Variants in ADCY4 observed in about 807,000 individuals in gnomAD.
ADCY4 encodes adenylate cyclase 4, also known as adenylate cyclase type 4.
A neutral mutation model predicts 125.5 loss-of-function variants in ADCY4; 111 were observed. The ratio of observed to expected loss-of-function variants is 0.88; its 90% CI spans 0.76 to 1.04. The LOEUF (loss-of-function observed/expected upper bound fraction) is 1.04. Among genes scored for constraint, ADCY4 ranks in the 50% least tolerant of loss-of-function variants. ADCY4 has a pLI of 0.00. For synonymous variants in ADCY4, 576 were observed against 586.9 expected (o/e 0.98, Z 0.27); for missense variants, 1,256 against 1,382.9 (o/e 0.91, Z 1.46).
chr14:24,328,998 G>A, intron 10 of ADCY4, 63 bp downstream of exon 10: 1 of 1,564,824 alleles, frequency 6.4e-7, no homozygotes, highest in Non-Finnish European at 8.7e-7. Flanking sequence ...CTGCCAGTGG[G>A]GCCTGAGGAT....
At chr14:24,325,749 C>T in intron 13 of ADCY4, 69 bp downstream of exon 13, 1 of 1,532,400 alleles carries the variant, frequency 6.5e-7, no homozygotes, top group South Asian at 1.2e-5. Flanking sequence ...GACCCAAGGG[C>T]TGACCCCTCC....
chr14:24,323,887 T>C (rs1243329207), intron 16 of ADCY4, among the ~76,000 whole-genome samples, 175 bp downstream of exon 16: 2 of 152,250 alleles, frequency 1.3e-5, no homozygotes, highest in African/African-American at 4.8e-5. Flanking sequence ...CAACAACTAT[T>C]ATGCCCAGAT....
rs1363682337 is a variant in ADCY4, at chr14:24,332,944, C to A, written c.204G>T (p.Ala68=). The part of the protein sequence containing the change: ...DPSFLTTVLC[A]LGGFSLLLGL... Reference sequence around the variant, plus strand: ...CCAGCAGCAGCGAGAAGCCGCCCAGCGCGCACAGCACAGTGGTCAGGAAGC... The same window carrying A: ...CCAGCAGCAGCGAGAAGCCGCCCAGAGCGCACAGCACAGTGGTCAGGAAGC... The change falls in exon 2 of 25, where the codon GCG becomes GCT. Residue 68 remains alanine (A), a synonymous_variant. Transcript: ENST00000418030. 6.3e-7 allele frequency: 1 copy of A among 1,591,460 alleles called. No homozygotes were observed. The highest frequency in any genetic ancestry group is 8.6e-7 in the Non-Finnish European group (1 of 1,167,536).
chr14:24,322,528 C>T (rs2041868404), intron 19 of ADCY4, 96 bp downstream of exon 19: 1 of 1,332,840 alleles, frequency 7.5e-7, no homozygotes, highest in South Asian at 1.3e-5. Context: ...TAGAAGCTTC[C>T]AATGGGCATT....
intron 14 of ADCY4, among the ~76,000 whole-genome samples, chr14:24,324,785 A>G (rs1261129195): frequency 1.3e-5 from 2 of 150,900 alleles, no homozygotes; most frequent in African/African-American, 2.4e-5. Flanking sequence ...CTCACTGCAA[A>G]CTCCGCCTCC....
Position 24,334,587 on chromosome 14 carries a change from G to C in ADCY4, c.66C>G (p.Ser22Arg), listed in dbSNP as rs1370958839. The change falls in exon 1 of 25, where the codon AGC becomes AGG. Residue 22 changes from serine (S) to arginine (R), a missense_variant. Ser to Arg is a moderately radical substitution (Grantham distance 110). Coordinates refer to ENST00000418030, the MANE Select transcript of ADCY4 (RefSeq NM_001198568.2). ...SEDLFYETYY[S>R]LSQQYPLLLL... ...GCAGCAGCGGGTACTGCTGGCTCAG[G>C]CTGTAGTAGGTCTCGTAGAAGAGGT... is the stretch of plus-strand genomic sequence containing the variant. 8.3e-6 allele frequency: 13 copies of C among 1,572,704 alleles called. No individual in the cohort carries two copies. Among genetic ancestry groups the C allele is most frequent in the Non-Finnish European group, 9.5e-6 (11 of 1,161,672 alleles).
At position 24,318,363 on chromosome 14, in the gene ADCY4, C is replaced by A; in HGVS notation, c.*53G>T. 1 of 1,584,240 alleles carries A rather than the reference C, an allele frequency of 6.3e-7. No individual in the cohort carries two copies. The highest frequency in any genetic ancestry group is 8.6e-7 in the Non-Finnish European group (1 of 1,162,570). On this transcript the variant is annotated 3_prime_UTR_variant, in exon 25 of 25. Coordinates refer to ENST00000418030, the MANE Select transcript of ADCY4 (RefSeq NM_001198568.2). ...ATCAGCAGCTTCAGACATCAATGGG[C>A]TCCAGACACCCCAGAGTCTCTTTAT... is the stretch of plus-strand genomic sequence containing the variant.
At chr14:24,327,011 C>G (rs1334399152) in intron 10 of ADCY4, among the ~76,000 whole-genome samples, 2 of 149,632 alleles carry the variant, frequency 1.3e-5, no homozygotes, top group East Asian at 4.0e-4. Context: ...ATTCTCTTGC[C>G]TCAGCCTCCT....
chr14:24,334,430 A>G (rs2042100137), intron 1 of ADCY4, 64 bp downstream of exon 1: 3 of 1,484,696 alleles, frequency 2.0e-6, no homozygotes, highest in Non-Finnish European at 2.7e-6. Context: ...AGAAGACCCC[A>G]CAAACCCCAA....
At chr14:24,325,973 G>A in intron 12 of ADCY4, 86 bp from the exon 13 acceptor site, 1 of 1,587,148 alleles carries the variant, frequency 6.3e-7, no homozygotes, top group Non-Finnish European at 8.6e-7. Flanking sequence ...GGGCAAGAGG[G>A]GGTGGTCAGG....
In ADCY4 at chr14:24,322,222, A is replaced by G. The variant is rs767406117; in HGVS notation, c.2430T>C (p.Asn810=). Residue 810 remains asparagine (N), a splice_region_variant and synonymous_variant, in exon 20 of 25, where the codon AAT becomes AAC. Transcript: ENST00000418030. ...FFTLLVLARQ[N]EYYCRLDFLW... The stretch of plus-strand genomic sequence containing the variant: ...GGAAGTCCAGGCGGCAGTAGTACTC[A>G]TTCTGGGGAGGGTCACCCGGGGCCA... 20 of 1,611,780 alleles carry G rather than the reference A, an allele frequency of 1.2e-5. No individual in the cohort carries two copies. The highest frequency in any genetic ancestry group is 1.7e-5 in the Non-Finnish European group (20 of 1,178,370).
At chr14:24,323,793 C>T (rs2041894990) in intron 16 of ADCY4, 3 of 485,944 alleles carry the variant, frequency 6.2e-6, no homozygotes, top group Non-Finnish European at 8.0e-6. Flanking sequence ...GAGTCTAAAT[C>T]CTGAAGAATC....
chr14:24,328,719 G>T (rs1002711498), intron 10 of ADCY4: 1 of 250,394 alleles, frequency 4.0e-6, no homozygotes, highest in Non-Finnish European at 7.7e-6. Context: ...GGGCCCAGCT[G>T]CCTTTTCTCT....
In ADCY4 at chr14:24,319,073, T is replaced by G. The variant is rs1176659656; in HGVS notation, c.2956+25A>C. On this transcript the variant is annotated intron_variant, in intron 23 of 24. Coordinates refer to ENST00000418030, the MANE Select transcript of ADCY4 (RefSeq NM_001198568.2). This position sits in a 1 kb window ranked among gnomAD's most constrained non-coding sequence, Gnocchi z 4.5. ...TCAGGAAGGTGAGGAGGTACCAGAC[T>G]GCTGCAGCAGGGGAAGTCTCTCACC... 20 of 1,611,806 alleles carry G rather than the reference T, an allele frequency of 1.2e-5. No individual in the cohort carries two copies. In the East Asian group the frequency reaches 4.0e-4, roughly 32 times the overall value.
In ADCY4 at chr14:24,330,153, A is replaced by G. The variant is rs1186514066; in HGVS notation, c.1058+15T>C. The G allele has an allele frequency of 1.2e-6, 2 of 1,609,170 alleles. No homozygotes were observed. Among genetic ancestry groups the G allele is most frequent in the Admixed American group, 1.7e-5 (1 of 59,910 alleles). The stretch of plus-strand genomic sequence containing the variant: ...TCCACCCTCAGCATTCCTCTTGACC[A>G]CCGCCTGAGCTGACCTGATGGCCCG... On this transcript the variant is annotated intron_variant, in intron 7 of 24. Transcript: ENST00000418030.
intron 4 of ADCY4, 55 bp from the exon 5 acceptor site, chr14:24,331,411 C>T: frequency 1.9e-6 from 3 of 1,602,688 alleles, no homozygotes; most frequent in South Asian, 1.1e-5. Flanking sequence ...CCAGGAGGCC[C>T]TGTCCCCCAA....
At chr14:24,330,077 C>T (rs2042017421) in intron 7 of ADCY4, 59 bp from the exon 8 acceptor site, 1 of 1,598,740 alleles carries the variant, frequency 6.3e-7, no homozygotes, top group South Asian at 1.1e-5. Flanking sequence ...CTGTGAGACA[C>T]CCCAGATTCT....
chr14:24,334,602 G>T lies in ADCY4; in HGVS notation c.51C>A (p.Tyr17Ter). 1 of 1,566,144 alleles carries T rather than the reference G, an allele frequency of 6.4e-7. No individual in the cohort carries two copies. The highest frequency in any genetic ancestry group is 8.6e-7 in the Non-Finnish European group (1 of 1,157,854). The stretch of plus-strand genomic sequence containing the variant: ...GCTGGCTCAGGCTGTAGTAGGTCTC[G>T]TAGAAGAGGTCTTCGCTGGGGGGCG... Reference protein sequence around the residue: ...PRPPPSEDLFYETYYSLSQQY... With the variant: ...PRPPPSEDLF The change falls in exon 1 of 25, where the codon TAC becomes TAA. Residue 17 changes from tyrosine (Y) to a stop codon, truncating the protein, a stop_gained. Coordinates refer to ENST00000418030, the MANE Select transcript of ADCY4 (RefSeq NM_001198568.2). LOFTEE classifies it high-confidence loss of function.
chr14:24,334,562 G>C lies in ADCY4; in HGVS notation c.91C>G (p.Leu31Val). The change falls in exon 1 of 25, where the codon CTG (leucine) becomes GTG (valine). Residue 31 changes from leucine (L) to valine (V), a missense_variant. Transcript: ENST00000418030. ...CAGAGCACGATCCCCAGCAGCAGCA[G>C]CAGCAGCGGGTACTGCTGGCTCAGG... ...YSLSQQYPLL[L>V]LLLGIVLCAL... 6.3e-7 allele frequency: 1 copy of C among 1,581,954 alleles called. No individual in the cohort carries two copies. Among genetic ancestry groups the C allele is most frequent in the Non-Finnish European group, 8.6e-7 (1 of 1,167,526 alleles).
Sources: allele counts gnomAD v4.1 joint callset (sites outside exome capture counted in the v4.1 genomes callset), GRCh38; gene constraint gnomAD v4.1.1; non-coding constraint Gnocchi (gnomAD v3.1); transcripts MANE v1.5; gene names NCBI Gene and HGNC (gene_info 2026-07-23, HGNC 2026-07-21).